TRPM8: variants seen among roughly 807,000 people sequenced by gnomAD.
TRPM8 encodes the protein TRPM8 cationic channel.
Under a neutral mutation model 133.7 loss-of-function variants are expected in TRPM8, and 110 were observed. The ratio of observed to expected loss-of-function variants is 0.82; its 90% CI spans 0.70 to 0.96. The LOEUF is 0.96. Ranked by LOEUF, TRPM8 falls within the 40% of genes least tolerant of loss-of-function variation. The pLI, the probability that TRPM8 is intolerant of heterozygous loss-of-function variation, is 0.00. For synonymous variants in TRPM8, 535 were observed against 532.3 expected, an observed-to-expected ratio of 1.01 and a Z score of -0.07; for missense variants, 1,291 against 1,379.5, an observed-to-expected ratio of 0.94 and a Z score of 1.02.
chr2:233,991,043 T>G (rs1208231428), intron 21 of TRPM8, among the ~76,000 whole-genome samples: 1 of 152,020 alleles, frequency 6.6e-6, no homozygotes, highest in African/African-American at 2.4e-5. Flanking sequence ...GGAGGTGATG[T>G]TTGCTTGAAA....
At chr2:233,972,670 C>T (rs1269593517) in intron 17 of TRPM8, among the ~76,000 whole-genome samples, 1 of 152,220 alleles carries the variant, frequency 6.6e-6, no homozygotes, top group Non-Finnish European at 1.5e-5. Flanking sequence ...TGGGCCGGCA[C>T]TGCTGGGGGA....
At chr2:233,967,068 G>T (rs2125208271) in intron 15 of TRPM8, among the ~76,000 whole-genome samples, 1 of 152,326 alleles carries the variant, frequency 6.6e-6, no homozygotes, top group East Asian at 1.9e-4. Flanking sequence ...AATGAAGTGT[G>T]TGATGATGGG....
chr2:233,942,752 C>T lies in TRPM8; in HGVS notation c.699+4C>T, dbSNP rs1293611601. On this transcript the variant is annotated splice_donor_region_variant and intron_variant, in intron 6 of 25. Coordinates refer to ENST00000324695, the MANE Select transcript of TRPM8 (RefSeq NM_024080.5). Reference sequence around the variant, plus strand: ...CATCAGGAATTGCGATGCTGAGGTACCGGTGGGACAGGAGGAGGTCTGCTA... The same window carrying T: ...CATCAGGAATTGCGATGCTGAGGTATCGGTGGGACAGGAGGAGGTCTGCTA... The T allele has an allele frequency of 2.5e-6, 4 of 1,613,940 alleles. No individual in the cohort carries two copies. The highest frequency in any genetic ancestry group is 3.4e-6 in the Non-Finnish European group (4 of 1,180,030).
At chr2:234,013,986 G>A (rs1692899843) in intron 24 of TRPM8, among the ~76,000 whole-genome samples, 1 of 152,124 alleles carries the variant, frequency 6.6e-6, no homozygotes, top group Non-Finnish European at 1.5e-5. Context: ...TTTAGCAAAT[G>A]TAGTAATATG....
intron 2 of TRPM8, among the ~76,000 whole-genome samples, chr2:233,926,978 C>A: frequency 6.6e-6 from 1 of 152,160 alleles, no homozygotes; most frequent in Non-Finnish European, 1.5e-5. Flanking sequence ...CCAATCATGG[C>A]TTCTTGGGTG....
At chr2:233,920,989 T>C (rs2125023521) in intron 1 of TRPM8, among the ~76,000 whole-genome samples, 1 of 152,114 alleles carries the variant, frequency 6.6e-6, no homozygotes, top group East Asian at 1.9e-4. Context: ...CCTGAGCAGC[T>C]GGGATTACAG....
rs200563237 is a variant in TRPM8, at chr2:233,981,904, C to T, written c.2578C>T (p.Leu860=). 8.6e-5 allele frequency: 138 copies of T among 1,609,760 alleles called. No individual in the cohort carries two copies. Among genetic ancestry groups the T allele is most frequent in the Non-Finnish European group, 1.1e-4 (131 of 1,178,988 alleles). ...SRNLGPKIIM[L]QRMLIDVFFF... is the part of the protein sequence containing the mutation. ...AAACTTAGGACCCAAGATTATAATG[C>T]TGCAGAGGATGGTAAGAGTCAAGAA... The change falls in exon 19 of 26, where the codon CTG becomes TTG. Residue 860 remains leucine, a synonymous_variant. Coordinates refer to ENST00000324695, the MANE Select transcript of TRPM8 (RefSeq NM_024080.5).
At chr2:233,941,546 G>A (rs528445425) in intron 5 of TRPM8, among the ~76,000 whole-genome samples, 2 of 152,250 alleles carry the variant, frequency 1.3e-5, no homozygotes, top group Non-Finnish European at 2.9e-5. Flanking sequence ...GCTTTCTAAC[G>A]ATTGGAGGAG....
chr2:234,016,011 C>T (rs1334068310), intron 25 of TRPM8, among the ~76,000 whole-genome samples: 1 of 152,184 alleles, frequency 6.6e-6, no homozygotes, highest in Non-Finnish European at 1.5e-5. Flanking sequence ...GCACATCCCC[C>T]TCCTAAATAT....
At chr2:233,961,630 CTTTT>C (rs57935574) in intron 12 of TRPM8, among the ~76,000 whole-genome samples, 8 of 111,654 alleles carry the variant, frequency 7.2e-5, no homozygotes, top group Non-Finnish European at 7.4e-5. Flanking sequence ...CTTTTCTTTT[CTTTT>C]TTTTTTTTTT....
chr2:233,975,878 C>T (rs968983072), intron 17 of TRPM8, among the ~76,000 whole-genome samples: 8 of 131,064 alleles, frequency 6.1e-5, no homozygotes, highest in Admixed American at 8.2e-5. Flanking sequence ...TGAGACTCCA[C>T]CTCAAACAAA....
intron 22 of TRPM8, among the ~76,000 whole-genome samples, chr2:233,998,802 T>C (rs1392825835): frequency 6.6e-6 from 1 of 151,984 alleles, no homozygotes; most frequent in Non-Finnish European, 1.5e-5. Context: ...TTCTACCCAT[T>C]CAGTTAGAGT....
At chr2:233,941,534 G>C (rs1341081704) in intron 5 of TRPM8, among the ~76,000 whole-genome samples, 1 of 152,094 alleles carries the variant, frequency 6.6e-6, no homozygotes, top group South Asian at 2.1e-4. Context: ...GTCAGCAAAG[G>C]GGCTTTCTAA....
At chr2:234,014,165 A>G (rs1398944707) in intron 24 of TRPM8, among the ~76,000 whole-genome samples, 6 of 152,092 alleles carry the variant, frequency 3.9e-5, no homozygotes, top group Non-Finnish European at 5.9e-5. Flanking sequence ...CATTATTTTT[A>G]TTAGTATTAT....
In TRPM8 at chr2:233,927,743, T is replaced by C. The variant is rs552441715; in HGVS notation, c.117+1089T>C. On this transcript the variant is annotated intron_variant, in intron 2 of 25. Transcript: ENST00000324695. ...CTTTCTTTCTTTCTTTCTTTCTTTC[T>C]TTCTTTCTTTCTTTCTTTCTTTCTT... 7.4e-3 allele frequency among the ~76,000 whole-genome samples: 468 copies of C among 63,264 alleles called. 3 individuals are homozygous for C. The highest frequency in any genetic ancestry group is 7.5e-3 in the African/African-American group (31 of 4,132). The allele number at this position is 63,264 out of a possible 152,430, so 41.5% of individuals were successfully genotyped here. A position where few individuals can be genotyped will look rare whatever the true frequency, so the allele number is the denominator to read the frequency against.
intron 21 of TRPM8, among the ~76,000 whole-genome samples, chr2:233,996,123 A>G (rs1366781515): frequency 6.6e-6 from 1 of 150,428 alleles, no homozygotes; most frequent in African/African-American, 2.4e-5. Context: ...CAAAAGCCAG[A>G]CACACTTTTG....
In TRPM8 at chr2:233,946,012, T is replaced by A; in HGVS notation, c.856T>A (p.Ser286Thr). 6.2e-7 allele frequency: 1 copy of A among 1,614,058 alleles called. No homozygotes were observed. The highest frequency in any genetic ancestry group is 8.5e-7 in the Non-Finnish European group (1 of 1,179,970). Reference protein sequence around the residue: ...KLRNQLEKYISERTIQDSNYG... With the variant: ...KLRNQLEKYITERTIQDSNYG... The stretch of plus-strand genomic sequence containing the variant: ...CCGGAATCAGCTAGAGAAGTATATC[T>A]CTGAGCGCACTATTCAAGGTCAGTG... The change falls in exon 7 of 26, where the codon TCT (serine) becomes ACT (threonine). Residue 286 changes from serine to threonine, a missense_variant. Ser to Thr is a moderately conservative substitution (Grantham distance 58, BLOSUM62 1). This residue lies in a region of TRPM8 where 963 missense variants were observed against 968.9 expected (regional missense o/e 0.99). Coordinates refer to ENST00000324695, the MANE Select transcript of TRPM8 (RefSeq NM_024080.5).
At chr2:233,941,112 C>T (rs1690895005) in intron 5 of TRPM8, among the ~76,000 whole-genome samples, 1 of 152,128 alleles carries the variant, frequency 6.6e-6, no homozygotes, top group Non-Finnish European at 1.5e-5. Context: ...AGAGCAGCTC[C>T]CTAGTTCCTG....
chr2:233,997,997 A>G (rs1186332376), intron 22 of TRPM8, among the ~76,000 whole-genome samples: 1 of 152,148 alleles, frequency 6.6e-6, no homozygotes, highest in African/African-American at 2.4e-5. Context: ...CCTAGCCCCC[A>G]GTTATGCCTC....
Sources: gnomAD v4.1 joint callset for allele counts (sites outside exome capture counted in the v4.1 genomes callset) on GRCh38, gnomAD v4.1.1 for gene constraint, gnomAD v4.1.1 regional missense constraint, MANE v1.5 for transcripts, NCBI Gene and HGNC (gene_info 2026-07-23, HGNC 2026-07-21) for gene names.